Variants in FARP1 observed in about 807,000 individuals in gnomAD.
The protein encoded by FARP1 is FERM, ARHGEF and pleckstrin domain-containing protein 1.
A neutral mutation model predicts 128.8 loss-of-function variants in FARP1; 52 were observed. The observed-to-expected ratio is 0.40, with a 90% CI of 0.32 to 0.51. The LOEUF is 0.51. FARP1 is among the 20% of genes least tolerant of loss of function. The pLI, the probability that FARP1 is intolerant of heterozygous loss-of-function variation, is 0.45. For missense variants in FARP1, 1,333 were observed against 1,367.9 expected (o/e 0.97, Z 0.40); for synonymous variants, 580 against 551.8 (o/e 1.05, Z -0.72).
At chr13:98,383,081 C>G (rs941520991) in intron 6 of FARP1, among the ~76,000 whole-genome samples, 1 of 152,180 alleles carries the variant, frequency 6.6e-6, no homozygotes, top group Non-Finnish European at 1.5e-5. Context: ...AACCTCACCC[C>G]GTATTTCCCC....
At chr13:98,171,399 C>T (rs574328853) in intron 1 of FARP1, among the ~76,000 whole-genome samples, 1 of 152,292 alleles carries the variant, frequency 6.6e-6, no homozygotes, top group South Asian at 2.1e-4. Context: ...GCCTCCTGGG[C>T]TTTGGACTAT....
chr13:98,448,636 G>A lies in FARP1; in HGVS notation c.*319G>A, dbSNP rs543106438. On this transcript the variant is annotated 3_prime_UTR_variant, in exon 27 of 27. Coordinates refer to ENST00000319562, the MANE Select transcript of FARP1 (RefSeq NM_005766.4). ...CCTGAAAAACAGTACACACACATCC[G>A]TTCAACACAAGACAGGGCAAGTGTT... The A allele has an allele frequency of 3.4e-4, 98 of 284,800 alleles. No homozygotes were observed. Among genetic ancestry groups the A allele is most frequent in the African/African-American group, 1.7e-3 (78 of 45,374 alleles). The allele number at this position is 284,800 out of a possible 1,614,324, so 17.6% of individuals were successfully genotyped here. A position where few individuals can be genotyped will look rare whatever the true frequency, so the allele number is the denominator to read the frequency against.
At chr13:98,288,008 G>C (rs1178869316) in intron 2 of FARP1, among the ~76,000 whole-genome samples, 2 of 151,994 alleles carry the variant, frequency 1.3e-5, no homozygotes, top group Non-Finnish European at 2.9e-5. Context: ...CACCATCTTG[G>C]CCAGGATGGT....
chr13:98,383,866 C>G (rs1362037380), intron 6 of FARP1: 1 of 152,182 alleles, frequency 6.6e-6, no homozygotes, highest in Non-Finnish European at 1.5e-5. Context: ...ACTTTGCAAT[C>G]TGATCTGTTA....
intron 2 of FARP1, among the ~76,000 whole-genome samples, chr13:98,288,024 T>C (rs1451511893): frequency 2.6e-5 from 4 of 152,038 alleles, no homozygotes; most frequent in African/African-American, 9.7e-5. Context: ...ATGGTCTGGA[T>C]CTCCTGACCT....
In FARP1 at chr13:98,275,964, C is replaced by G. The variant is rs183689063; in HGVS notation, c.171+62551C>G. Among the ~76,000 whole-genome samples the G allele has an allele frequency of 4.2e-4, 64 of 152,236 alleles. No individual in the cohort carries two copies. The East Asian group carries it at 0.012, about 28-fold the overall frequency. On this transcript the variant is annotated intron_variant, in intron 2 of 26. Coordinates refer to ENST00000319562, the MANE Select transcript of FARP1 (RefSeq NM_005766.4). ...TGTGTGTGAAACTGACAAAGGTCGG[C>G]GGGGGTATGATGGATGTCATTATGG... is the stretch of plus-strand genomic sequence containing the variant.
intron 2 of FARP1, among the ~76,000 whole-genome samples, chr13:98,237,529 G>A (rs1882496376): frequency 1.3e-5 from 2 of 152,172 alleles, no homozygotes; most frequent in Admixed American, 6.5e-5. Flanking sequence ...TGCTTCAAAT[G>A]TGGATCATCT....
intron 6 of FARP1, among the ~76,000 whole-genome samples, chr13:98,380,741 T>C (rs1889862773): frequency 6.6e-5 from 10 of 152,088 alleles, no homozygotes; most frequent in Admixed American, 6.5e-4. Flanking sequence ...GTCTAGCTAA[T>C]TTTTTCTTTT....
Position 98,235,735 on chromosome 13 carries a change from G to A in FARP1, c.171+22322G>A, listed in dbSNP as rs1219573623. On this transcript the variant is annotated intron_variant, in intron 2 of 26. Coordinates refer to ENST00000319562, the MANE Select transcript of FARP1 (RefSeq NM_005766.4). ...TACATTAAACAGCCCCCATTTCCCC[G>A]TCCCCCAGCCCCTGCCAACCATCTA... 5.9e-5 allele frequency among the ~76,000 whole-genome samples: 9 copies of A among 151,420 alleles called. No individual in the cohort carries two copies. The South Asian group carries it at 1.0e-3, about 18-fold the overall frequency.
At chr13:98,168,960 A>G (rs1877466783) in intron 1 of FARP1, among the ~76,000 whole-genome samples, 1 of 152,188 alleles carries the variant, frequency 6.6e-6, no homozygotes, top group South Asian at 2.1e-4. Context: ...GTATATCATT[A>G]TGACTGTGTG....
intron 2 of FARP1, among the ~76,000 whole-genome samples, chr13:98,228,422 T>A (rs1488346973): frequency 1.3e-5 from 2 of 150,898 alleles, no homozygotes; most frequent in African/African-American, 4.9e-5. Context: ...CCTGTTTTTT[T>A]AAATCACAAT....
chr13:98,238,441 C>A (rs777075570), intron 2 of FARP1, among the ~76,000 whole-genome samples: 3 of 152,034 alleles, frequency 2.0e-5, no homozygotes, highest in Admixed American at 1.3e-4. Flanking sequence ...GACTGTATTC[C>A]GTTCTCATGG....
chr13:98,206,216 T>TGA (rs1555327547), intron 1 of FARP1, among the ~76,000 whole-genome samples: 151 of 138,798 alleles, frequency 1.1e-3, no homozygotes, highest in African/African-American at 3.4e-3. Context: ...TGTGTGTGTG[T>TGA]GATCCTTTCA....
intron 13 of FARP1, chr13:98,402,747 G>GA (rs1890824325): frequency 6.6e-6 from 1 of 152,120 alleles, no homozygotes; most frequent in Non-Finnish European, 1.5e-5. Flanking sequence ...AGGTTGCTGT[G>GA]AAAACCTAAC....
chr13:98,284,732 G>C (rs967321628), intron 2 of FARP1, among the ~76,000 whole-genome samples: 1 of 152,190 alleles, frequency 6.6e-6, no homozygotes, highest in Non-Finnish European at 1.5e-5. Flanking sequence ...CTCTCAGTGA[G>C]TTGAGAAAAT....
chr13:98,360,509 A>G (rs1888828855), intron 3 of FARP1, among the ~76,000 whole-genome samples: 1 of 152,206 alleles, frequency 6.6e-6, no homozygotes, highest in East Asian at 1.9e-4. Context: ...AGACCAGGCA[A>G]GGATGCATCG....
chr13:98,248,353 A>T (rs1379720395), intron 2 of FARP1, among the ~76,000 whole-genome samples: 2 of 152,184 alleles, frequency 1.3e-5, no homozygotes, highest in Non-Finnish European at 2.9e-5. Context: ...GATACCTCCT[A>T]GCAGTGATGT....
At chr13:98,285,293 A>G (rs1305088927) in intron 2 of FARP1, among the ~76,000 whole-genome samples, 4 of 152,176 alleles carry the variant, frequency 2.6e-5, no homozygotes, top group Admixed American at 2.6e-4. Flanking sequence ...TCTTACTTAT[A>G]AGAAGTTTAA....
chr13:98,158,366 C>T (rs1876638996), intron 1 of FARP1, among the ~76,000 whole-genome samples: 2 of 152,196 alleles, frequency 1.3e-5, no homozygotes, highest in African/African-American at 2.4e-5. Flanking sequence ...CCCTACTCTA[C>T]TATTGAAACC....
Sources: gnomAD v4.1 joint callset for allele counts (sites outside exome capture counted in the v4.1 genomes callset) on GRCh38, gnomAD v4.1.1 for gene constraint, MANE v1.5 for transcripts, NCBI Gene and HGNC (gene_info 2026-07-23, HGNC 2026-07-21) for gene names.